HADHB: variants seen among roughly 807,000 people sequenced by gnomAD.
HADHB encodes trifunctional enzyme subunit beta, mitochondrial.
HADHB carries 50 observed loss-of-function variants against 61.9 expected under a neutral mutation model. That is an observed-to-expected ratio of 0.81 (90% confidence interval 0.64 to 1.02). HADHB has a LOEUF of 1.02. Among genes scored for constraint, HADHB ranks in the 50% least tolerant of loss-of-function variants. The pLI is 0.00. For missense variants in HADHB, 504 were observed against 586.5 expected (o/e 0.86, Z 1.45); for synonymous variants, 191 against 201.6 (o/e 0.95, Z 0.45).
intron 3 of HADHB, among the ~76,000 whole-genome samples, chr2:26,259,806 A>G (rs1671785600): frequency 6.6e-6 from 1 of 152,160 alleles, no homozygotes; most frequent in Admixed American, 6.5e-5. Context: ...GGAAGGCTTT[A>G]CTAGGAGGTA....
chr2:26,253,616 G>C (rs1388489857), intron 1 of HADHB, among the ~76,000 whole-genome samples: 2 of 152,052 alleles, frequency 1.3e-5, no homozygotes, highest in African/African-American at 4.8e-5. Flanking sequence ...ACTTTGGGAG[G>C]CCAAGGCGAT....
rs886055869 is a variant in HADHB, at chr2:26,290,221, G to A, written c.*268G>A. 1 of 512,048 alleles carries A rather than the reference G, an allele frequency of 2.0e-6. No homozygotes were observed. The highest frequency in any genetic ancestry group is 3.5e-6 in the Non-Finnish European group (1 of 283,270). The allele number at this position is 512,048 out of a possible 1,614,324, so 31.7% of individuals were successfully genotyped here. On this transcript the variant is annotated 3_prime_UTR_variant, in exon 16 of 16. Transcript: ENST00000317799. Reference sequence around the variant, plus strand: ...GTTTTTGGTCTCTGTTGTCACTAAAGACTAAATGAGGGTTTGCAGTTGGGA... The same window carrying A: ...GTTTTTGGTCTCTGTTGTCACTAAAAACTAAATGAGGGTTTGCAGTTGGGA...
intron 10 of HADHB, among the ~76,000 whole-genome samples, chr2:26,281,748 T>C (rs1672798208): frequency 6.6e-6 from 1 of 152,210 alleles, no homozygotes; most frequent in Admixed American, 6.5e-5. Flanking sequence ...TTCCATATGG[T>C]CACCTATGTC....
intron 5 of HADHB, 129 bp from the exon 6 acceptor site, chr2:26,273,517 TAAAGA>T (rs1672428793): frequency 1.5e-6 from 1 of 675,822 alleles, no homozygotes; most frequent in Non-Finnish European, 2.7e-6. Flanking sequence ...CTTGTCAAAT[TAAAGA>T]AAAGATACAG....
At chr2:26,248,479 G>C (rs969974388) in intron 1 of HADHB, among the ~76,000 whole-genome samples, 1 of 151,526 alleles carries the variant, frequency 6.6e-6, no homozygotes, top group Non-Finnish European at 1.5e-5. Context: ...AGTATTTTAC[G>C]CTAGAGACCT....
At chr2:26,268,470 C>T (rs1223596575) in intron 4 of HADHB, among the ~76,000 whole-genome samples, 1 of 152,188 alleles carries the variant, frequency 6.6e-6, no homozygotes, top group Non-Finnish European at 1.5e-5. Flanking sequence ...AACTGGCAGA[C>T]ATCACTTGAC....
chr2:26,251,763 T>A (rs1469523), intron 1 of HADHB, among the ~76,000 whole-genome samples: 26,272 of 152,176 alleles, frequency 0.17, 2,734 homozygotes, highest in Middle Eastern at 0.26. Flanking sequence ...CATGTTTTGT[T>A]TTTTTCTTTT....
intron 1 of HADHB, among the ~76,000 whole-genome samples, chr2:26,247,963 A>G (rs905046668): frequency 6.6e-6 from 1 of 152,158 alleles, no homozygotes; most frequent in Non-Finnish European, 1.5e-5. Flanking sequence ...TGCTTATTTT[A>G]AAAAAATTAA....
rs965472525 is a variant in HADHB at position 26,260,081 on chromosome 2, G to GGTT, written c.110-3299_110-3298insGTT. On this transcript the variant is annotated intron_variant, in intron 3 of 15. Transcript: ENST00000317799. ...AGGAATATATGGTCAGTTTTTTCTGGTTTTTTTTTTTTTTTTTTGAGGCAG... is the reference window on the plus strand; with the variant it reads ...AGGAATATATGGTCAGTTTTTTCTGGGTTTTTTTTTTTTTTTTTTTTGAGGCAG... Among the ~76,000 whole-genome samples, 547 of 133,538 alleles carry GGTT rather than the reference G, an allele frequency of 4.1e-3. 3 individuals carry two copies. The highest frequency in any genetic ancestry group is 0.015 in the African/African-American group (538 of 36,550). The allele number at this position is 133,538 out of a possible 152,430, so 87.6% of individuals were successfully genotyped here.
chr2:26,263,817 G>A (rs1454813868), intron 4 of HADHB, among the ~76,000 whole-genome samples: 1 of 152,114 alleles, frequency 6.6e-6, no homozygotes, highest in Admixed American at 6.6e-5. Flanking sequence ...TTTGAGTGCT[G>A]AAGATGTGGG....
chr2:26,259,111 A>C (rs1457012948), intron 3 of HADHB, among the ~76,000 whole-genome samples: 1 of 152,172 alleles, frequency 6.6e-6, no homozygotes, highest in Non-Finnish European at 1.5e-5. Context: ...CTGAGTGGGC[A>C]CCAATTACTT....
In HADHB at chr2:26,269,955, A is replaced by G. The variant is rs1672269584; in HGVS notation, c.212A>G (p.Tyr71Cys). Residue 71 changes from tyrosine (Y) to cysteine (C), a missense_variant and splice_region_variant, in exon 5 of 16, where the codon TAT (tyrosine) becomes TGT (cysteine). By Grantham distance (194) the Tyr-to-Cys change is radical. Transcript: ENST00000317799. ...AATTACTGGTTTTCGTTCCCCAGAT[A>G]TAAAGACCTGATGCCACATGATTTG... ...RTPFLLSGTS[Y>C]KDLMPHDLAR... The G allele has an allele frequency of 5.0e-6, 8 of 1,605,618 alleles. No individual in the cohort carries two copies. In the East Asian group the frequency reaches 8.9e-5, roughly 18 times the overall value.
chr2:26,261,214 C>CG (rs533429006), intron 3 of HADHB: 6 of 459,618 alleles, frequency 1.3e-5, no homozygotes, highest in Admixed American at 3.7e-5. Flanking sequence ...CAACAAATAC[C>CG]CCCCCCCCAT....
At chr2:26,289,836 T>C in intron 15 of HADHB, 82 bp from the exon 16 acceptor site, 1 of 954,828 alleles carries the variant, frequency 1.0e-6, no homozygotes, top group Non-Finnish European at 1.7e-6. Flanking sequence ...AGCCTGTACT[T>C]TTCTCCTTGT....
At chr2:26,251,171 G>A (rs1329963333) in intron 1 of HADHB, among the ~76,000 whole-genome samples, 1 of 151,386 alleles carries the variant, frequency 6.6e-6, no homozygotes, top group Non-Finnish European at 1.5e-5. Context: ...TTAATTATTG[G>A]TTCTTTCTAG....
In HADHB at chr2:26,274,194, G is replaced by A. The variant is rs567891705; in HGVS notation, c.354+444G>A. ...TTTGTTCCCATCAACTAGATGGCAC[G>A]TAAGGCAGCTTGGCTTTTTAAAAAC... On this transcript the variant is annotated intron_variant, in intron 6 of 15. Coordinates refer to ENST00000317799, the MANE Select transcript of HADHB (RefSeq NM_000183.3). Among the ~76,000 whole-genome samples the A allele has an allele frequency of 4.6e-5, 7 of 152,326 alleles. No homozygotes were observed. The East Asian group carries it at 9.6e-4, about 21-fold the overall frequency.
At chr2:26,279,418 C>A in intron 9 of HADHB, 103 bp downstream of exon 9, 1 of 827,230 alleles carries the variant, frequency 1.2e-6, no homozygotes, top group Admixed American at 1.8e-5. Flanking sequence ...GGTTCTGTTT[C>A]CAAAGTATTC....
chr2:26,256,142 A>G (rs1216634819), intron 3 of HADHB, among the ~76,000 whole-genome samples: 1 of 152,238 alleles, frequency 6.6e-6, no homozygotes, highest in Non-Finnish European at 1.5e-5. Context: ...CGCAAATATA[A>G]CAGTGTCCCA....
chr2:26,257,744 G>T (rs541854342), intron 3 of HADHB, among the ~76,000 whole-genome samples: 1 of 152,256 alleles, frequency 6.6e-6, no homozygotes, highest in East Asian at 1.9e-4. Flanking sequence ...TTGTGGCTGG[G>T]CGTGATGGCT....
Sources: allele counts gnomAD v4.1 joint callset (sites outside exome capture counted in the v4.1 genomes callset), GRCh38; gene constraint gnomAD v4.1.1; transcripts MANE v1.5; gene names NCBI Gene and HGNC (gene_info 2026-07-23, HGNC 2026-07-21).